The following PLCB1 variants were observed in gnomAD, a reference collection of about 807,000 sequenced individuals.
The protein encoded by PLCB1 is 1-phosphatidylinositol 4,5-bisphosphate phosphodiesterase beta-1.
Under a neutral mutation model 161.8 loss-of-function variants are expected in PLCB1, and 46 were observed. The ratio of observed to expected loss-of-function variants is 0.28; its 90% CI spans 0.22 to 0.36. The LOEUF (loss-of-function observed/expected upper bound fraction) is 0.36, where lower values mean the gene tolerates loss of function less well. PLCB1 is among the 10% of genes least tolerant of loss of function. PLCB1 has a pLI of 1.00. For missense variants in PLCB1, 1,016 were observed against 1,472.5 expected (o/e 0.69, Z 5.07); for synonymous variants, 517 against 503.7 (o/e 1.03, Z -0.35).
At chr20:8,668,086 T>C (rs918472917) in intron 9 of PLCB1, among the ~76,000 whole-genome samples, 1 of 151,890 alleles carries the variant, frequency 6.6e-6, no homozygotes, top group Non-Finnish European at 1.5e-5. Context: ...ATCCAGGGTC[T>C]TGTCAATAGT....
At chr20:8,205,464 G>A (rs529287672) in intron 2 of PLCB1, among the ~76,000 whole-genome samples, 1 of 152,192 alleles carries the variant, frequency 6.6e-6, no homozygotes, top group East Asian at 1.9e-4. Flanking sequence ...TAGGAAGTAG[G>A]AAAATCTTCA....
intron 11 of PLCB1, among the ~76,000 whole-genome samples, chr20:8,703,709 A>G (rs1978499869): frequency 6.6e-6 from 1 of 152,180 alleles, no homozygotes; most frequent in Non-Finnish European, 1.5e-5. Context: ...AGGAAGATCT[A>G]GGAACCCCAG....
chr20:8,213,614 G>C (rs571864605), intron 2 of PLCB1, among the ~76,000 whole-genome samples: 5 of 152,104 alleles, frequency 3.3e-5, no homozygotes, highest in African/African-American at 1.2e-4. Context: ...TGCATTTTTT[G>C]TTACATCTGA....
chr20:8,495,481 T>G (rs1983127919), intron 3 of PLCB1, among the ~76,000 whole-genome samples: 1 of 140,560 alleles, frequency 7.1e-6, no homozygotes, highest in African/African-American at 2.7e-5. Context: ...CACTGAAAGC[T>G]CCACCTCCCG....
chr20:8,630,355 T>C (rs1374261142), intron 4 of PLCB1, among the ~76,000 whole-genome samples: 1 of 152,182 alleles, frequency 6.6e-6, no homozygotes, highest in Non-Finnish European at 1.5e-5. Context: ...GGGATTTATT[T>C]CTAACACTTA....
At chr20:8,850,547 T>C (rs1986852067) in intron 31 of PLCB1, among the ~76,000 whole-genome samples, 1 of 152,242 alleles carries the variant, frequency 6.6e-6, no homozygotes, top group African/African-American at 2.4e-5. Context: ...TCAAAATTCA[T>C]GCTGAAATTT....
At chr20:8,620,791 C>T (rs1294704687) in intron 3 of PLCB1, among the ~76,000 whole-genome samples, 1 of 145,018 alleles carries the variant, frequency 6.9e-6, no homozygotes, top group East Asian at 2.0e-4. Context: ...AAACAGAATA[C>T]AGGCTGTCTG....
At chr20:8,478,887 T>C (rs1446967587) in intron 3 of PLCB1, among the ~76,000 whole-genome samples, 1 of 152,168 alleles carries the variant, frequency 6.6e-6, no homozygotes, top group Non-Finnish European at 1.5e-5. Flanking sequence ...CAAAATTACT[T>C]TGATGTAAAC....
At chr20:8,866,571 A>T (rs568777504) in intron 31 of PLCB1, among the ~76,000 whole-genome samples, 1 of 152,348 alleles carries the variant, frequency 6.6e-6, no homozygotes, top group Admixed American at 6.5e-5. Context: ...AGATTTCTGG[A>T]TTCTTTTGAA....
At chr20:8,671,849 G>C (rs1372687455) in intron 9 of PLCB1, among the ~76,000 whole-genome samples, 3 of 152,130 alleles carry the variant, frequency 2.0e-5, no homozygotes, top group African/African-American at 4.8e-5. Flanking sequence ...ATGATATCCA[G>C]ATCCATTTCA....
At chr20:8,745,122 C>G (rs1981101822) in intron 23 of PLCB1, among the ~76,000 whole-genome samples, 1 of 151,640 alleles carries the variant, frequency 6.6e-6, no homozygotes, top group Admixed American at 6.6e-5. Flanking sequence ...ATTTTTTTTC[C>G]TTTGACATGT....
chr20:8,660,061 C>G (rs772924254), intron 9 of PLCB1, among the ~76,000 whole-genome samples: 13 of 150,410 alleles, frequency 8.6e-5, no homozygotes, highest in Non-Finnish European at 1.9e-4. Flanking sequence ...TCATATTCTA[C>G]ATGCTACTAG....
At chr20:8,813,379 G>GT (rs1165096863) in intron 31 of PLCB1, among the ~76,000 whole-genome samples, 13 of 152,084 alleles carry the variant, frequency 8.5e-5, no homozygotes, top group Admixed American at 2.0e-4. Context: ...TCAGAAATCT[G>GT]TTTTTTTGTT....
At chr20:8,839,093 C>G (rs1222057240) in intron 31 of PLCB1, among the ~76,000 whole-genome samples, 2 of 152,128 alleles carry the variant, frequency 1.3e-5, no homozygotes, top group Non-Finnish European at 2.9e-5. Flanking sequence ...CTGATTGGAC[C>G]TAGTGAGCAA....
At chr20:8,757,282 G>A (rs1298600128) in intron 24 of PLCB1, 104 bp downstream of exon 24, 5 of 1,247,306 alleles carry the variant, frequency 4.0e-6, no homozygotes, top group Middle Eastern at 2.0e-4. Flanking sequence ...ATCAAGTGGG[G>A]AAAGATGTGT....
chr20:8,133,564 G>A lies in PLCB1; in HGVS notation c.99+814G>A, dbSNP rs563054896. Reference sequence around the variant, plus strand: ...CCGGGGTCTCTAATGCTTTACGAGCGGCCCAGACCCCAGGACTTCAAATGA... The same window carrying A: ...CCGGGGTCTCTAATGCTTTACGAGCAGCCCAGACCCCAGGACTTCAAATGA... On this transcript the variant is annotated intron_variant, in intron 1 of 31. Transcript: ENST00000338037. 3.3e-5 allele frequency among the ~76,000 whole-genome samples: 5 copies of A among 152,258 alleles called. No homozygotes were observed. The South Asian group carries it at 1.0e-3, about 32-fold the overall frequency.
intron 3 of PLCB1, among the ~76,000 whole-genome samples, chr20:8,449,537 G>A (rs1269816201): frequency 6.6e-6 from 1 of 152,188 alleles, no homozygotes; most frequent in Non-Finnish European, 1.5e-5. Flanking sequence ...CTCTACCTAA[G>A]GACAGCCCTC....
chr20:8,347,935 G>A (rs1033320025), intron 2 of PLCB1, among the ~76,000 whole-genome samples: 3 of 151,652 alleles, frequency 2.0e-5, no homozygotes, highest in African/African-American at 2.4e-5. Flanking sequence ...TCGTGCCACT[G>A]CACTCCAGCC....
At chr20:8,430,682 A>G (rs968245634) in intron 3 of PLCB1, among the ~76,000 whole-genome samples, 2 of 152,168 alleles carry the variant, frequency 1.3e-5, no homozygotes, top group African/African-American at 4.8e-5. Flanking sequence ...AGCCGGTACC[A>G]TGGTTCTTGC....
Sources: gnomAD v4.1 joint callset for allele counts (sites outside exome capture counted in the v4.1 genomes callset) on GRCh38, gnomAD v4.1.1 for gene constraint, MANE v1.5 for transcripts, NCBI Gene and HGNC (gene_info 2026-07-23, HGNC 2026-07-21) for gene names.